The following MAP3K5 variants were observed in gnomAD, a reference collection of about 807,000 sequenced individuals.
MAP3K5 encodes the protein ASK-1.
In MAP3K5, 56 loss-of-function variants were observed where a neutral mutation model predicts 158.7. The observed-to-expected ratio is 0.35, with a 90% confidence interval of 0.28 to 0.44. MAP3K5 has a LOEUF of 0.44. Among genes scored for constraint, MAP3K5 ranks in the 20% least tolerant of loss-of-function variants. The pLI is 1.00. For missense variants in MAP3K5, 1,294 were observed against 1,674.8 expected (o/e 0.77, Z 3.97); for synonymous variants, 579 against 601.7 (o/e 0.96, Z 0.55).
intron 26 of MAP3K5, among the ~76,000 whole-genome samples, chr6:136,566,731 AT>A (rs1356236449): frequency 2.6e-5 from 4 of 152,224 alleles, no homozygotes. Context: ...TTACTTAACA[AT>A]GCAACCAAAT....
intron 18 of MAP3K5, among the ~76,000 whole-genome samples, chr6:136,608,903 C>A (rs1383305981): frequency 6.6e-6 from 1 of 152,206 alleles, no homozygotes; most frequent in Non-Finnish European, 1.5e-5. Flanking sequence ...GCACCTGGGA[C>A]TAACCCACCT....
chr6:136,790,759 G>A (rs977840259), intron 1 of MAP3K5, among the ~76,000 whole-genome samples: 2 of 152,204 alleles, frequency 1.3e-5, no homozygotes, highest in Non-Finnish European at 2.9e-5. Context: ...ACCCACAAAT[G>A]TAAACATAAA....
Position 136,694,744 on chromosome 6 carries a change from G to A in MAP3K5, c.1083-434C>T, listed in dbSNP as rs537224446. 2.0e-5 allele frequency among the ~76,000 whole-genome samples: 3 copies of A among 152,334 alleles called. No individual in the cohort carries two copies. In the East Asian group the frequency reaches 5.8e-4, roughly 29 times the overall value. On this transcript the variant is annotated intron_variant, in intron 6 of 29. Coordinates refer to ENST00000359015, the MANE Select transcript of MAP3K5 (RefSeq NM_005923.4). ...CCAAAACTTAGCAAACTCATTCACA[G>A]ATGATACCAAAAATCAAATCAAACC...
At chr6:136,748,296 A>G (rs965774021) in intron 1 of MAP3K5, among the ~76,000 whole-genome samples, 17 of 152,212 alleles carry the variant, frequency 1.1e-4, no homozygotes, top group African/African-American at 3.4e-4. Flanking sequence ...CTACACAGCC[A>G]CATTTGAACC....
Position 136,622,927 on chromosome 6 carries a change from A to G in MAP3K5, c.2071T>C (p.Tyr691His). Residue 691 changes from tyrosine (Y) to histidine (H), a missense_variant, in exon 15 of 30, where the codon TAT becomes CAT. This residue lies in a region of MAP3K5 where 690 missense variants were observed against 870.5 expected (regional missense o/e 0.79). Coordinates refer to ENST00000359015, the MANE Select transcript of MAP3K5 (RefSeq NM_005923.4). ...TCCCGACCTGCGTAGACTATCCCAT[A>G]AGTGCCTTTTCCTAAAACGACTCTG... is the stretch of plus-strand genomic sequence containing the variant. ...GDRVVLGKGT[Y>H]GIVYAGRDLS... The G allele has an allele frequency of 6.2e-7, 1 of 1,609,318 alleles. No individual in the cohort carries two copies. The highest frequency in any genetic ancestry group is 8.5e-7 in the Non-Finnish European group (1 of 1,176,620).
At chr6:136,782,663 T>C (rs1229798985) in intron 1 of MAP3K5, among the ~76,000 whole-genome samples, 1 of 152,224 alleles carries the variant, frequency 6.6e-6, no homozygotes, top group Non-Finnish European at 1.5e-5. Flanking sequence ...ATGTTTTCTG[T>C]TACCCTGTGC....
intron 25 of MAP3K5, among the ~76,000 whole-genome samples, chr6:136,576,906 T>A (rs765575212): frequency 1.3e-5 from 2 of 152,046 alleles, no homozygotes; most frequent in Non-Finnish European, 2.9e-5. Context: ...TTCAGTTTAG[T>A]AACACACCAT....
chr6:136,766,869 G>GT (rs200209494), intron 1 of MAP3K5, among the ~76,000 whole-genome samples: 1,608 of 152,148 alleles, frequency 0.011, 30 homozygotes, highest in African/African-American at 0.036. Flanking sequence ...ATTTTTATAA[G>GT]TTTTTTTCTT....
At position 136,569,812 on chromosome 6, in the gene MAP3K5, C is replaced by T. The variant is rs75044842; in HGVS notation, c.3518-1938G>A. Among the ~76,000 whole-genome samples the T allele has an allele frequency of 3.3e-4, 50 of 152,204 alleles. 2 individuals carry two copies. The East Asian group carries it at 8.9e-3, about 27-fold the overall frequency. On this transcript the variant is annotated intron_variant, in intron 25 of 29. Coordinates refer to ENST00000359015, the MANE Select transcript of MAP3K5 (RefSeq NM_005923.4). ...GGCTATTTTTTGTCAACAATATCTT[C>T]CCATAAGAAAAAATATTACAAATTG...
intron 18 of MAP3K5, among the ~76,000 whole-genome samples, chr6:136,605,968 GCTGT>G (rs1776081132): frequency 6.6e-6 from 1 of 152,184 alleles, no homozygotes; most frequent in Non-Finnish European, 1.5e-5. Context: ...GACTCCTGCT[GCTGT>G]CTGTGGTCCA....
intron 8 of MAP3K5, among the ~76,000 whole-genome samples, chr6:136,665,877 A>G (rs1779209794): frequency 6.6e-6 from 1 of 152,100 alleles, no homozygotes; most frequent in Admixed American, 6.6e-5. Flanking sequence ...TTTCTATTCA[A>G]TATTTTTTAA....
At chr6:136,653,941 T>C (rs1778631672) in intron 10 of MAP3K5, among the ~76,000 whole-genome samples, 1 of 151,982 alleles carries the variant, frequency 6.6e-6, no homozygotes, top group Non-Finnish European at 1.5e-5. Flanking sequence ...GATGTAGGAG[T>C]AGTATTTAGA....
At chr6:136,562,461 G>A in intron 27 of MAP3K5, 42 bp downstream of exon 27, 2 of 1,016,464 alleles carry the variant, frequency 2.0e-6, no homozygotes, top group South Asian at 1.9e-5. Flanking sequence ...TTTTGTGGCA[G>A]CCTGGCTGAA....
At chr6:136,745,154 T>G (rs1189711067) in intron 1 of MAP3K5, among the ~76,000 whole-genome samples, 3 of 151,270 alleles carry the variant, frequency 2.0e-5, no homozygotes, top group Admixed American at 6.6e-5. Context: ...TTTTTTTTTT[T>G]TTTTTTTTTT....
In MAP3K5 at chr6:136,557,258, G is replaced by T; in HGVS notation, c.*500C>A. The T allele has an allele frequency of 6.5e-6, 1 of 154,182 alleles. No individual in the cohort carries two copies. Among genetic ancestry groups the T allele is most frequent in the Admixed American group, 6.5e-5 (1 of 15,468 alleles). The allele number at this position is 154,182 out of a possible 1,614,324, so 9.6% of individuals were successfully genotyped here. A position where few individuals can be genotyped will look rare whatever the true frequency, so the allele number is the denominator to read the frequency against. On this transcript the variant is annotated 3_prime_UTR_variant, in exon 30 of 30. Coordinates refer to ENST00000359015, the MANE Select transcript of MAP3K5 (RefSeq NM_005923.4). ...AGAGAAGTAAAAACCATTGCTCTCAGATTCTGCACACTTAAAAAAACATAA... is the reference window on the plus strand; with the variant it reads ...AGAGAAGTAAAAACCATTGCTCTCATATTCTGCACACTTAAAAAAACATAA...
intron 2 of MAP3K5, among the ~76,000 whole-genome samples, chr6:136,705,639 A>G (rs1781043154): frequency 6.6e-6 from 1 of 152,178 alleles, no homozygotes; most frequent in African/African-American, 2.4e-5. Context: ...GAGACAGGAG[A>G]ATACGAAAGT....
At chr6:136,710,295 A>G (rs1345555212) in intron 2 of MAP3K5, among the ~76,000 whole-genome samples, 1 of 152,228 alleles carries the variant, frequency 6.6e-6, no homozygotes, top group Non-Finnish European at 1.5e-5. Flanking sequence ...GAATAAGAAG[A>G]TAAAATCAAT....
At chr6:136,650,338 T>C (rs938401648) in intron 11 of MAP3K5, among the ~76,000 whole-genome samples, 1 of 152,266 alleles carries the variant, frequency 6.6e-6, no homozygotes, top group African/African-American at 2.4e-5. Context: ...AGCCAGGTCC[T>C]GAAAATGTCT....
At chr6:136,746,057 C>T (rs942811347) in intron 1 of MAP3K5, among the ~76,000 whole-genome samples, 1 of 152,098 alleles carries the variant, frequency 6.6e-6, no homozygotes, top group African/African-American at 2.4e-5. Context: ...GGTCCAGGTG[C>T]GAAATGCTGA....
Sources: gnomAD v4.1 joint callset for allele counts (sites outside exome capture counted in the v4.1 genomes callset) on GRCh38, gnomAD v4.1.1 for gene constraint, gnomAD v4.1.1 regional missense constraint, MANE v1.5 for transcripts, NCBI Gene and HGNC (gene_info 2026-07-23, HGNC 2026-07-21) for gene names.